Variants in APP observed in about 807,000 individuals in gnomAD.
The protein encoded by APP is amyloid beta precursor protein, also known as amyloid-beta precursor protein.
Under a neutral mutation model 101.4 loss-of-function variants are expected in APP, and 31 were observed. The ratio of observed to expected loss-of-function variants is 0.31; its 90% CI spans 0.23 to 0.41. The LOEUF (loss-of-function observed/expected upper bound fraction) is 0.41, where lower values mean the gene tolerates loss of function less well. Among genes scored for constraint, APP ranks in the 10% least tolerant of loss-of-function variants. The pLI is 1.00. For missense variants in APP, 839 were observed against 1,003.7 expected, an observed-to-expected ratio of 0.84 and a Z score of 2.22; for synonymous variants, 366 against 364.4, an observed-to-expected ratio of 1.00 and a Z score of -0.05.
In APP at chr21:26,104,226, G is replaced by A. The variant is rs536351759; in HGVS notation, c.225+7753C>T. ...GGTATCATCTCCGAATACCATCTCCGAATAGCCTGGGGTTAGGGTTTCAAT... is the reference window on the plus strand; with the variant it reads ...GGTATCATCTCCGAATACCATCTCCAAATAGCCTGGGGTTAGGGTTTCAAT... On this transcript the variant is annotated intron_variant, in intron 2 of 17. Transcript: ENST00000346798. Among the ~76,000 whole-genome samples, 147 of 17,092 alleles carry A rather than the reference G, an allele frequency of 8.6e-3. 1 individual carries two copies. Among genetic ancestry groups the A allele is most frequent in the African/African-American group, 0.021 (141 of 6,798 alleles). 11.2% of individuals were successfully genotyped at this position (17,092 alleles called of 152,430 possible). A position where few individuals can be genotyped will look rare whatever the true frequency, so the allele number is the denominator to read the frequency against.
intron 3 of APP, among the ~76,000 whole-genome samples, chr21:26,078,014 C>T (rs1341573495): frequency 6.6e-6 from 1 of 152,148 alleles, no homozygotes; most frequent in Non-Finnish European, 1.5e-5. Context: ...AATTAAAATA[C>T]GTCTTAATCC....
intron 13 of APP, among the ~76,000 whole-genome samples, chr21:25,940,396 A>C (rs1263129255): frequency 6.6e-6 from 1 of 152,184 alleles, no homozygotes; most frequent in Non-Finnish European, 1.5e-5. Context: ...AATAGTCTAA[A>C]AGGTTTCACC....
At chr21:26,000,388 T>A (rs572351860) in intron 6 of APP, among the ~76,000 whole-genome samples, 9 of 152,306 alleles carry the variant, frequency 5.9e-5, no homozygotes, top group African/African-American at 2.2e-4. Flanking sequence ...GTCATCTGGT[T>A]TAATGAGTGC....
intron 6 of APP, among the ~76,000 whole-genome samples, chr21:26,002,260 C>A (rs951387749): frequency 3.3e-5 from 5 of 152,202 alleles, no homozygotes; most frequent in African/African-American, 9.7e-5. Flanking sequence ...GCTGACTGTC[C>A]CTCCTGTTGA....
intron 16 of APP, among the ~76,000 whole-genome samples, chr21:25,895,597 C>T (rs1274851615): frequency 6.6e-6 from 1 of 152,102 alleles, no homozygotes. Flanking sequence ...AATTTAGCCT[C>T]AAGGTAGTCA....
rs758572910 is a variant in APP, at chr21:26,016,036, A to ATT, written c.865+5802_865+5803dup. On this transcript the variant is annotated intron_variant, in intron 6 of 17. Transcript: ENST00000346798. Reference sequence around the variant, plus strand: ...TTTGTGGACCCCCGATCATTTTTCTATTTTTTTTTTTTGAGACGGAGTCTC... The same window carrying ATT: ...TTTGTGGACCCCCGATCATTTTTCTATTTTTTTTTTTTTTGAGACGGAGTCTC... Among the ~76,000 whole-genome samples, 355 of 145,036 alleles carry ATT rather than the reference A, an allele frequency of 2.4e-3. 1 individual carries two copies. The highest frequency in any genetic ancestry group is 8.5e-3 in the African/African-American group (339 of 39,746).
At chr21:26,097,096 TG>T (rs1259847472) in intron 2 of APP, among the ~76,000 whole-genome samples, 2 of 152,186 alleles carry the variant, frequency 1.3e-5, no homozygotes, top group Non-Finnish European at 2.9e-5. Context: ...TCCTTCCAAT[TG>T]AACAAAAGCC....
At chr21:25,991,534 C>A (rs939302773) in intron 8 of APP, among the ~76,000 whole-genome samples, 1 of 152,144 alleles carries the variant, frequency 6.6e-6, no homozygotes, top group Non-Finnish European at 1.5e-5. Context: ...CCCATCACCA[C>A]GCCCAGCTAG....
chr21:26,083,590 T>C (rs191249246), intron 3 of APP, among the ~76,000 whole-genome samples: 60 of 152,358 alleles, frequency 3.9e-4, no homozygotes, highest in Admixed American at 3.9e-3. Context: ...AGAAATTTCT[T>C]TTGAGCACAC....
chr21:26,126,079 T>G (rs1237974152), intron 1 of APP, among the ~76,000 whole-genome samples: 1 of 152,184 alleles, frequency 6.6e-6, no homozygotes, highest in East Asian at 1.9e-4. Flanking sequence ...TGGGAAAGAT[T>G]TACATTCTAC....
Position 26,170,734 on chromosome 21 carries a change from C to G in APP, c.-114G>C. ...TCCCGGGGCCCCCGCGCACGCTCCT[C>G]CGCGTGCTCTCGCCTACCGCTGCCG... On this transcript the variant is annotated 5_prime_UTR_variant, in exon 1 of 18. Coordinates refer to ENST00000346798, the MANE Select transcript of APP (RefSeq NM_000484.4). 4 of 1,128,278 alleles carry G rather than the reference C, an allele frequency of 3.5e-6. No homozygotes were observed. Among genetic ancestry groups the G allele is most frequent in the Non-Finnish European group, 3.6e-6 (3 of 842,168 alleles). The allele number at this position is 1,128,278 out of a possible 1,614,324, so 69.9% of individuals were successfully genotyped here.
At chr21:26,047,841 A>C (rs1451356269) in intron 5 of APP, among the ~76,000 whole-genome samples, 1 of 152,226 alleles carries the variant, frequency 6.6e-6, no homozygotes, top group African/African-American at 2.4e-5. Context: ...CGTGCTGTTA[A>C]ATGTTAAAAG....
At chr21:25,909,863 C>T (rs944948168) in intron 14 of APP, among the ~76,000 whole-genome samples, 1 of 152,060 alleles carries the variant, frequency 6.6e-6, no homozygotes, top group Non-Finnish European at 1.5e-5. Flanking sequence ...TTGTTTTCTT[C>T]TATGTGATTA....
At position 26,020,761 on chromosome 21, in the gene APP, T is replaced by C. The variant is rs150843627; in HGVS notation, c.865+1079A>G. 2.0e-5 allele frequency among the ~76,000 whole-genome samples: 3 copies of C among 152,332 alleles called. No homozygotes were observed. In the East Asian group the frequency reaches 5.8e-4, roughly 29 times the overall value. On this transcript the variant is annotated intron_variant, in intron 6 of 17. Transcript: ENST00000346798. ...CTCTTTAAGGAACAAATGCATACTC[T>C]TTAAGGAACTCAATCCAACAGTTTA...
At chr21:25,891,669 A>C (rs1204293896) in intron 17 of APP, 53 bp downstream of exon 17, 2 of 1,580,086 alleles carry the variant, frequency 1.3e-6, no homozygotes, top group Non-Finnish European at 1.7e-6. Flanking sequence ...GCTAAGCCTA[A>C]TTCTCTCATA....
Position 26,000,040 on chromosome 21 carries a change from G to C in APP, c.1008C>G (p.Tyr336Ter). 2 of 1,614,100 alleles carry C rather than the reference G, an allele frequency of 1.2e-6. No individual in the cohort carries two copies. The highest frequency in any genetic ancestry group is 1.7e-6 in the Non-Finnish European group (2 of 1,180,014). ...GNRNNFDTEE[Y>*]CMAVCGSAMS... Reference sequence around the variant, plus strand: ...TGGCGCTGCCACACACGGCCATGCAGTACTCTTCTGTGTCAAAGTTGTTCC... The same window carrying C: ...TGGCGCTGCCACACACGGCCATGCACTACTCTTCTGTGTCAAAGTTGTTCC... The change falls in exon 7 of 18, where the codon TAC becomes TAG. Residue 336 changes from tyrosine to a stop codon, truncating the protein, a stop_gained. Coordinates refer to ENST00000346798, the MANE Select transcript of APP (RefSeq NM_000484.4). LOFTEE classifies it high-confidence loss of function.
At chr21:26,166,430 G>A (rs2063610747) in intron 1 of APP, among the ~76,000 whole-genome samples, 1 of 152,032 alleles carries the variant, frequency 6.6e-6, no homozygotes, top group Non-Finnish European at 1.5e-5. Flanking sequence ...ATTTGCATCT[G>A]AGCTCTCACT....
rs544679124 is a variant in APP, at chr21:26,015,747, G to C, written c.865+6093C>G. ...ACTTGATATGGCAGTATGTGAAATA[G>C]AAAGAACTTCACAGTCACCGTCTTA... On this transcript the variant is annotated intron_variant, in intron 6 of 17. Transcript: ENST00000346798. Among the ~76,000 whole-genome samples, 229 of 152,184 alleles carry C rather than the reference G, an allele frequency of 1.5e-3. No homozygotes were observed. In the Middle Eastern group the frequency reaches 0.021, roughly 14 times the overall value.
rs144189064 is a variant in APP at position 25,949,712 on chromosome 21, T to C, written c.1687+4878A>G. On this transcript the variant is annotated intron_variant, in intron 13 of 17. Transcript: ENST00000346798. The stretch of plus-strand genomic sequence containing the variant: ...AAGAGTTCACAGGATGGAGGGTTAG[T>C]AGAGATATAAACAAATAATTTACTC... Among the ~76,000 whole-genome samples the C allele has an allele frequency of 1.3e-4, 20 of 152,246 alleles. No homozygotes were observed. The East Asian group carries it at 3.5e-3, about 26-fold the overall frequency.
Sources: gnomAD v4.1 joint callset for allele counts (sites outside exome capture counted in the v4.1 genomes callset) on GRCh38, gnomAD v4.1.1 for gene constraint, MANE v1.5 for transcripts, NCBI Gene and HGNC (gene_info 2026-07-23, HGNC 2026-07-21) for gene names.